Variants in CD44 observed in about 807,000 individuals in gnomAD.
CD44 encodes CD44 antigen.
CD44 carries 49 observed loss-of-function variants against 88.8 expected under a neutral mutation model. The observed-to-expected ratio is 0.55, with a 90% CI of 0.44 to 0.70. The LOEUF (loss-of-function observed/expected upper bound fraction) is 0.70, where lower values mean the gene tolerates loss of function less well. Among genes scored for constraint, CD44 ranks in the 30% least tolerant of loss-of-function variants. The probability of loss-of-function intolerance (pLI) is 0.00; values close to 1 mark genes in which losing one functional copy is unlikely to be tolerated. For synonymous variants in CD44, 325 were observed against 312.3 expected (o/e 1.04, Z -0.43); for missense variants, 883 against 913.8 (o/e 0.97, Z 0.43).
In CD44 at chr11:35,230,222, GT is replaced by G. The variant is rs397849775; in HGVS notation, c.*901del. ...GCACTGTTTTTGTTTTTTGTTTTTT[GT>G]TTTTTTTTTTTGACACTGTCCAAAG... On this transcript the variant is annotated 3_prime_UTR_variant, in exon 18 of 18. Transcript: ENST00000428726. 1,461 of 145,038 alleles carry G rather than the reference GT, an allele frequency of 0.01. 27 individuals carry two copies. Among genetic ancestry groups the G allele is most frequent in the African/African-American group, 0.033 (1,313 of 39,526 alleles). 9.0% of individuals were successfully genotyped at this position (145,038 alleles called of 1,614,324 possible).
intron 17 of CD44, chr11:35,222,880 C>A (rs1949418033): frequency 1.0e-5 from 10 of 985,194 alleles, no homozygotes; most frequent in Non-Finnish European, 1.1e-5. Flanking sequence ...CCTCACAGGG[C>A]AGAAAAATGC....
intron 1 of CD44, among the ~76,000 whole-genome samples, chr11:35,140,709 A>AAAT (rs1047109157): frequency 3.9e-5 from 6 of 152,086 alleles, no homozygotes; most frequent in African/African-American, 1.4e-4. Flanking sequence ...ACTGAAGCTG[A>AAAT]AATAATAATA....
intron 5 of CD44, among the ~76,000 whole-genome samples, chr11:35,194,164 A>C (rs1034458875): frequency 3.3e-5 from 5 of 152,140 alleles, no homozygotes; most frequent in African/African-American, 1.2e-4. Flanking sequence ...TTGCTGCTTG[A>C]TTTTGCTTTG....
chr11:35,173,782 A>G (rs934654238), intron 1 of CD44, among the ~76,000 whole-genome samples: 7 of 152,194 alleles, frequency 4.6e-5, no homozygotes, highest in African/African-American at 1.7e-4. Flanking sequence ...TGCCCATACA[A>G]TTCAATAATA....
chr11:35,214,979 G>A (rs1038741382), intron 15 of CD44, 65 bp downstream of exon 15: 24 of 974,600 alleles, frequency 2.5e-5, no homozygotes, highest in Admixed American at 2.2e-4. Flanking sequence ...GACTACCAAC[G>A]AAGTATGAGT....
At chr11:35,191,430 G>T (rs1330552734) in intron 5 of CD44, among the ~76,000 whole-genome samples, 1 of 152,160 alleles carries the variant, frequency 6.6e-6, no homozygotes, top group Non-Finnish European at 1.5e-5. Context: ...TCTTGAGTTT[G>T]CATCGGCTTA....
chr11:35,157,889 G>T (rs1176673764), intron 1 of CD44, among the ~76,000 whole-genome samples: 1 of 152,210 alleles, frequency 6.6e-6, no homozygotes, highest in Non-Finnish European at 1.5e-5. Context: ...TCTTGCTGGG[G>T]CTGAGGGGAG....
At chr11:35,212,068 A>C (rs16927100) in intron 14 of CD44, among the ~76,000 whole-genome samples, 7,082 of 152,230 alleles carry the variant, frequency 0.047, 587 homozygotes, top group African/African-American at 0.16. Flanking sequence ...GAAGAGAGGA[A>C]CGAAGATAAT....
chr11:35,198,538 T>C, intron 7 of CD44: 1 of 329,884 alleles, frequency 3.0e-6, no homozygotes, highest in Non-Finnish European at 5.6e-6. Context: ...GAGAATGACA[T>C]TAAAACAGTA....
At chr11:35,152,589 A>G (rs353620) in intron 1 of CD44, among the ~76,000 whole-genome samples, 57,396 of 152,058 alleles carry the variant, frequency 0.38, 11,221 homozygotes, top group African/African-American at 0.48. Flanking sequence ...GTAGGCAGAA[A>G]CACGTGATAT....
At chr11:35,151,959 T>A (rs1330429950) in intron 1 of CD44, among the ~76,000 whole-genome samples, 1 of 152,212 alleles carries the variant, frequency 6.6e-6, no homozygotes, top group Non-Finnish European at 1.5e-5. Flanking sequence ...GGGTCCCTTC[T>A]TCCCATCAGT....
Position 35,208,213 on chromosome 11 carries a change from AT to A in CD44, c.1516+8del. 6.4e-7 allele frequency: 1 copy of A among 1,571,708 alleles called. No homozygotes were observed. The highest frequency in any genetic ancestry group is 8.8e-7 in the Non-Finnish European group (1 of 1,141,456). ...CCTCTTTCAATGACAACGCGTAAGAATAACGATGCTCAGCCACTTTATTGAC... is the reference window on the plus strand; with the variant it reads ...CCTCTTTCAATGACAACGCGTAAGAAAACGATGCTCAGCCACTTTATTGAC... On this transcript the variant is annotated splice_region_variant and intron_variant, in intron 12 of 17. Transcript: ENST00000428726.
chr11:35,139,933 G>A (rs1030643990), intron 1 of CD44, among the ~76,000 whole-genome samples: 3 of 152,228 alleles, frequency 2.0e-5, no homozygotes, highest in Admixed American at 2.0e-4. Flanking sequence ...CTTACAGTCC[G>A]CAGTGTCACT....
At chr11:35,171,702 A>C (rs1365285936) in intron 1 of CD44, among the ~76,000 whole-genome samples, 1 of 152,248 alleles carries the variant, frequency 6.6e-6, no homozygotes, top group Non-Finnish European at 1.5e-5. Context: ...AGATACTGTT[A>C]TAAGCTATGA....
chr11:35,141,728 A>G (rs566879718), intron 1 of CD44, among the ~76,000 whole-genome samples: 4 of 152,168 alleles, frequency 2.6e-5, no homozygotes, highest in Non-Finnish European at 5.9e-5. Flanking sequence ...AGGAAGTACA[A>G]TGAAGTGCCA....
intron 5 of CD44, among the ~76,000 whole-genome samples, chr11:35,194,821 A>T (rs1018564510): frequency 2.0e-5 from 3 of 152,266 alleles, no homozygotes; most frequent in African/African-American, 7.2e-5. Context: ...TGAATGAATG[A>T]ATGAAATTAT....
At chr11:35,199,654 T>A (rs1342951203) in intron 7 of CD44, among the ~76,000 whole-genome samples, 1 of 147,596 alleles carries the variant, frequency 6.8e-6, no homozygotes, top group South Asian at 2.1e-4. Context: ...TTTTAAGTGA[T>A]TTTTTTTTTA....
In CD44 at chr11:35,186,909, CT is replaced by C. The variant is rs762951199; in HGVS notation, c.436+10del. 2 of 1,521,526 alleles carry C rather than the reference CT, an allele frequency of 1.3e-6. No individual in the cohort carries two copies. The highest frequency in any genetic ancestry group is 2.2e-5 in the South Asian group (2 of 89,232). The allele number at this position is 1,521,526 out of a possible 1,614,324, so 94.3% of individuals were successfully genotyped here. A position where few individuals can be genotyped will look rare whatever the true frequency, so the allele number is the denominator to read the frequency against. ...TGGACCAATTACCATAAGTATGTCT[CT>C]CTTCTAATCTTAATTAAATTTTCCT... On this transcript the variant is annotated intron_variant, in intron 4 of 17. Coordinates refer to ENST00000428726, the MANE Select transcript of CD44 (RefSeq NM_000610.4).
intron 5 of CD44, among the ~76,000 whole-genome samples, chr11:35,192,098 T>C (rs1946325567): frequency 6.6e-6 from 1 of 152,182 alleles, no homozygotes. Flanking sequence ...AACTAAAACA[T>C]AGTTCAGGAT....
Sources: gnomAD v4.1 joint callset for allele counts (sites outside exome capture counted in the v4.1 genomes callset) on GRCh38, gnomAD v4.1.1 for gene constraint, MANE v1.5 for transcripts, NCBI Gene and HGNC (gene_info 2026-07-23, HGNC 2026-07-21) for gene names.